The following DTNA variants were observed in gnomAD, a reference collection of about 807,000 sequenced individuals.
The protein encoded by DTNA is dystrophin-related protein 3.
In DTNA, 43 loss-of-function variants were observed where a neutral mutation model predicts 100.7. The ratio of observed to expected loss-of-function variants is 0.43; its 90% confidence interval spans 0.33 to 0.55. The LOEUF (loss-of-function observed/expected upper bound fraction) is 0.55, where lower values mean the gene tolerates loss of function less well. Ranked by LOEUF, DTNA falls within the 20% of genes least tolerant of loss-of-function variation. The pLI is 0.04. For synonymous variants in DTNA, 349 were observed against 347.9 expected (o/e 1.00, Z -0.04); for missense variants, 798 against 953.9 (o/e 0.84, Z 2.15).
At chr18:34,692,663 A>C (rs1568234677) in intron 1 of DTNA, among the ~76,000 whole-genome samples, 1 of 152,210 alleles carries the variant, frequency 6.6e-6, no homozygotes, top group South Asian at 2.1e-4. Flanking sequence ...AATTAGCATT[A>C]TTTCTGTTCA....
intron 9 of DTNA, among the ~76,000 whole-genome samples, chr18:34,827,392 T>C (rs1362279621): frequency 6.6e-6 from 1 of 152,210 alleles, no homozygotes; most frequent in Non-Finnish European, 1.5e-5. Flanking sequence ...TCCCAGTGTT[T>C]ACCTGAGATT....
intron 1 of DTNA, among the ~76,000 whole-genome samples, chr18:34,554,588 T>C (rs1376018248): frequency 4.6e-5 from 7 of 151,782 alleles, no homozygotes; most frequent in South Asian, 2.1e-4. Context: ...GCATGAAGGG[T>C]TGTTGAATTT....
rs1321869216 is a variant in DTNA, at chr18:34,794,029, A to G, written c.149-8A>G. ...TGGGCTGATGTGTTAACTCTGCTTT[A>G]ATTGTAGTGCACCTGGTGGACATAT... On this transcript the variant is annotated splice_region_variant and splice_polypyrimidine_tract_variant and intron_variant, in intron 3 of 22. Transcript: ENST00000444659. 22 of 1,613,382 alleles carry G rather than the reference A, an allele frequency of 1.4e-5. No individual in the cohort carries two copies. Among genetic ancestry groups the G allele is most frequent in the Non-Finnish European group, 1.9e-5 (22 of 1,179,680 alleles).
intron 5 of DTNA, 98 bp from the exon 6 acceptor site, chr18:34,811,861 A>G: frequency 7.2e-7 from 1 of 1,384,172 alleles, no homozygotes; most frequent in Non-Finnish European, 1.0e-6. Flanking sequence ...AAAAATGTTT[A>G]TTTTGCTACT....
intron 17 of DTNA, among the ~76,000 whole-genome samples, chr18:34,864,592 AG>A (rs2096673907): frequency 6.6e-6 from 1 of 152,222 alleles, no homozygotes; most frequent in Non-Finnish European, 1.5e-5. Context: ...CAGACTGCTG[AG>A]GGCCTTCATG....
intron 1 of DTNA, among the ~76,000 whole-genome samples, chr18:34,752,105 G>A (rs1601433988): frequency 6.6e-6 from 1 of 152,242 alleles, no homozygotes; most frequent in Non-Finnish European, 1.5e-5. Flanking sequence ...AAGGTTGTAA[G>A]CATCTTATGT....
chr18:34,671,533 A>G lies in DTNA; in HGVS notation c.-1-84443A>G, dbSNP rs146542312. Reference sequence around the variant, plus strand: ...TGTTCCTATTTGGCCATCTTCAAGAATGATGTTTAAAAATGTGGAATTGCA... The same window carrying G: ...TGTTCCTATTTGGCCATCTTCAAGAGTGATGTTTAAAAATGTGGAATTGCA... On this transcript the variant is annotated intron_variant, in intron 1 of 19. Coordinates refer to the DTNA transcript ENST00000283365. Among the ~76,000 whole-genome samples the G allele has an allele frequency of 1.2e-4, 18 of 152,288 alleles. No individual in the cohort carries two copies. In the East Asian group the frequency reaches 3.5e-3, roughly 29 times the overall value.
intron 1 of DTNA, among the ~76,000 whole-genome samples, chr18:34,713,917 C>CT (rs1555722667): frequency 2.6e-5 from 4 of 152,052 alleles, no homozygotes; most frequent in Non-Finnish European, 4.4e-5. Context: ...ATTTGGCTCT[C>CT]TGTCTGTTGT....
intron 1 of DTNA, among the ~76,000 whole-genome samples, chr18:34,645,096 A>AT (rs962445380): frequency 1.3e-5 from 2 of 152,076 alleles, no homozygotes; most frequent in African/African-American, 4.8e-5. Context: ...TCTCAAGGTC[A>AT]TTTTTTCACT....
intron 1 of DTNA, among the ~76,000 whole-genome samples, chr18:34,629,617 T>A (rs963589448): frequency 1.3e-5 from 2 of 152,222 alleles, no homozygotes; most frequent in African/African-American, 4.8e-5. Flanking sequence ...AATCCTAAGA[T>A]GCCCATTCTT....
chr18:34,732,318 A>G (rs913476044), intron 1 of DTNA, among the ~76,000 whole-genome samples: 4 of 152,210 alleles, frequency 2.6e-5, no homozygotes, highest in African/African-American at 9.6e-5. Flanking sequence ...TCTGTGCTGT[A>G]ATGAAGCTTG....
intron 1 of DTNA, among the ~76,000 whole-genome samples, chr18:34,741,185 G>C (rs548260900): frequency 6.6e-6 from 1 of 152,264 alleles, no homozygotes; most frequent in Admixed American, 6.5e-5. Flanking sequence ...AATTCACTGA[G>C]GTACTGGCTT....
intron 7 of DTNA, among the ~76,000 whole-genome samples, chr18:34,816,958 GT>G (rs1377329354): frequency 6.6e-5 from 10 of 152,210 alleles, no homozygotes; most frequent in Admixed American, 5.9e-4. Context: ...AACAATCATA[GT>G]TTTTTTATGT....
chr18:34,505,328 A>G (rs984605467), intron 1 of DTNA, among the ~76,000 whole-genome samples: 14 of 152,152 alleles, frequency 9.2e-5, no homozygotes, highest in African/African-American at 3.1e-4. Flanking sequence ...GGACACTGTG[A>G]TTACATTTAG....
At chr18:34,554,941 G>T (rs2045866248) in intron 1 of DTNA, among the ~76,000 whole-genome samples, 1 of 144,698 alleles carries the variant, frequency 6.9e-6, no homozygotes, top group African/African-American at 2.6e-5. Flanking sequence ...AATAGTTTCA[G>T]AAGGAATGGT....
intron 9 of DTNA, chr18:34,821,486 C>T (rs1424144208): frequency 1.8e-5 from 8 of 456,232 alleles, no homozygotes; most frequent in East Asian, 1.4e-4. Flanking sequence ...GTGTGAGTTT[C>T]GTGGCAGAAG....
At chr18:34,511,087 G>A (rs1248230632) in intron 1 of DTNA, among the ~76,000 whole-genome samples, 2 of 152,010 alleles carry the variant, frequency 1.3e-5, no homozygotes, top group Non-Finnish European at 2.9e-5. Context: ...AGCTTATAGA[G>A]ACTGAGCTAT....
chr18:34,697,270 C>A (rs1287015123), intron 1 of DTNA, among the ~76,000 whole-genome samples: 3 of 152,200 alleles, frequency 2.0e-5, no homozygotes, highest in Non-Finnish European at 4.4e-5. Flanking sequence ...TTGCTCAAGG[C>A]CGTGCAGTAA....
chr18:34,601,262 G>A (rs1035542710), intron 1 of DTNA, among the ~76,000 whole-genome samples: 3 of 152,192 alleles, frequency 2.0e-5, no homozygotes, highest in African/African-American at 7.2e-5. Context: ...AAATTAAGGG[G>A]TGATTTATGC....
Sources: allele counts gnomAD v4.1 joint callset (sites outside exome capture counted in the v4.1 genomes callset), GRCh38; gene constraint gnomAD v4.1.1; transcripts MANE v1.5; gene names NCBI Gene and HGNC (gene_info 2026-07-23, HGNC 2026-07-21).